PDK3: variants seen among roughly 807,000 people sequenced by gnomAD.
The protein encoded by PDK3 is pyruvate dehydrogenase kinase 3, also known as pyruvate dehydrogenase kinase, isozyme 3.
A neutral mutation model predicts 32.0 loss-of-function variants in PDK3; 12 were observed. The observed-to-expected ratio is 0.37, with a 90% CI of 0.24 to 0.61. The LOEUF is 0.61. Among genes scored for constraint, PDK3 ranks in the 20% least tolerant of loss-of-function variants. PDK3 has a pLI of 0.65. For synonymous variants in PDK3, 122 were observed against 116.3 expected (o/e 1.05, Z -0.31); for missense variants, 188 against 316.9 (o/e 0.59, Z 3.09).
chrX:24,499,930 C>T (rs1295710199), intron 3 of PDK3, among the ~76,000 whole-genome samples: 1 of 111,949 alleles, frequency 8.9e-6, no homozygotes, highest in African/African-American at 3.2e-5. Flanking sequence ...TGGGTTAGAG[C>T]CCCAGATGTA....
At chrX:24,473,142 G>T (rs1486338237) in intron 1 of PDK3, among the ~76,000 whole-genome samples, 1 of 108,109 alleles carries the variant, frequency 9.2e-6, no homozygotes, top group Non-Finnish European at 1.9e-5. Context: ...TTGGGAGGCC[G>T]AGGTGGGTGG....
At chrX:24,518,059 T>C (rs1000626876) in intron 5 of PDK3, among the ~76,000 whole-genome samples, 1 of 112,561 alleles carries the variant, frequency 8.9e-6, no homozygotes, top group African/African-American at 3.2e-5. Flanking sequence ...ACGTATAGTC[T>C]TGAGTTCCTA....
intron 1 of PDK3, among the ~76,000 whole-genome samples, chrX:24,485,874 G>A (rs1021455999): frequency 1.8e-5 from 2 of 111,500 alleles, no homozygotes; most frequent in South Asian, 3.8e-4. Context: ...ATCACCACAC[G>A]TCTGAGGGAA....
chrX:24,474,754 A>G lies in PDK3; in HGVS notation c.106+9193A>G, dbSNP rs762743876. On this transcript the variant is annotated intron_variant, in intron 1 of 10. Transcript: ENST00000379162. Reference sequence around the variant, plus strand: ...TAGTGTCCCCATGTGTAAATATAGCATCTCTCAAAACCACCAGAAAGCAGA... The same window carrying G: ...TAGTGTCCCCATGTGTAAATATAGCGTCTCTCAAAACCACCAGAAAGCAGA... 1.7e-4 allele frequency among the ~76,000 whole-genome samples: 19 copies of G among 111,368 alleles called. 1 individual carries two copies. The East Asian group carries it at 3.9e-3, about 23-fold the overall frequency.
At chrX:24,537,785 C>T (rs1265501755), downstream of PDK3, among the ~76,000 whole-genome samples, 1 of 111,656 alleles carries the variant, frequency 9.0e-6, no homozygotes, top group Non-Finnish European at 1.9e-5. Flanking sequence ...AAATGATATC[C>T]ATATGGATGT....
chrX:24,485,766 G>T (rs1358915068), intron 1 of PDK3, among the ~76,000 whole-genome samples: 1 of 111,662 alleles, frequency 9.0e-6, no homozygotes, highest in African/African-American at 3.3e-5. Flanking sequence ...AAAAGCCCCA[G>T]TGTAATCAGG....
At chrX:24,469,885 CTA>C (rs888918933) in intron 1 of PDK3, among the ~76,000 whole-genome samples, 2 of 112,235 alleles carry the variant, frequency 1.8e-5, no homozygotes, top group Non-Finnish European at 3.8e-5. Flanking sequence ...ATTAACATAT[CTA>C]TCATCTCACA....
At chrX:24,529,335 C>T (rs1410569413) in intron 9 of PDK3, among the ~76,000 whole-genome samples, 2 of 111,591 alleles carry the variant, frequency 1.8e-5, no homozygotes, top group Middle Eastern at 4.6e-3. Context: ...TTAACGCATG[C>T]GCACTCCCAT....
intron 2 of PDK3, among the ~76,000 whole-genome samples, chrX:24,496,521 A>G (rs964185420): frequency 6.0e-5 from 6 of 99,726 alleles, no homozygotes; most frequent in Non-Finnish European, 1.2e-4. Flanking sequence ...TCTAATATGT[A>G]GAACTTGTTC....
intron 1 of PDK3, among the ~76,000 whole-genome samples, chrX:24,470,254 G>A (rs1427159178): frequency 8.9e-6 from 1 of 111,971 alleles, no homozygotes; most frequent in Non-Finnish European, 1.9e-5. Context: ...TAAAGATTTG[G>A]TAGAACTTCA....
chrX:24,475,319 A>C (rs902251183), intron 1 of PDK3, among the ~76,000 whole-genome samples: 1 of 110,659 alleles, frequency 9.0e-6, no homozygotes, highest in Admixed American at 9.7e-5. Flanking sequence ...GAGGGTAAAG[A>C]TATCTAACTT....
downstream of PDK3, among the ~76,000 whole-genome samples, chrX:24,535,917 GAAAGA>G (rs1922765910): frequency 2.9e-5 from 2 of 69,959 alleles, no homozygotes; most frequent in African/African-American, 5.2e-5. Flanking sequence ...AAAAAAAAAA[GAAAGA>G]AAAGAAGGAA....
intron 5 of PDK3, among the ~76,000 whole-genome samples, chrX:24,518,417 A>T (rs1263330728): frequency 8.9e-6 from 1 of 112,176 alleles, no homozygotes; most frequent in African/African-American, 3.2e-5. Flanking sequence ...TGGGAGGCGG[A>T]GGTTGCAGTG....
At chrX:24,533,787 A>G in intron 10 of PDK3, 142 bp from the exon 11 acceptor site, 1 of 608,300 alleles carries the variant, frequency 1.6e-6, no homozygotes, top group South Asian at 5.4e-5. Context: ...GTCTAAGTAA[A>G]CTACTAAGGT....
At chrX:24,539,407 C>T (rs753712461), downstream of PDK3, 3 of 369,074 alleles carry the variant, frequency 8.1e-6, no homozygotes, top group African/African-American at 2.6e-5. Flanking sequence ...TGCCTGTCAC[C>T]GAAGAGCACA....
At chrX:24,526,358 A>G (rs1207029113) in intron 7 of PDK3, 84 bp downstream of exon 7, 4 of 595,118 alleles carry the variant, frequency 6.7e-6, no homozygotes, top group Non-Finnish European at 1.1e-5. Flanking sequence ...TTAGATTAGC[A>G]TAAGAAAAAG....
intron 6 of PDK3, among the ~76,000 whole-genome samples, chrX:24,524,814 CTTT>C (rs1490030631): frequency 8.9e-6 from 1 of 111,808 alleles, no homozygotes; most frequent in Non-Finnish European, 1.9e-5. Context: ...TGTTTTTCTT[CTTT>C]TGTTAAATTT....
At chrX:24,503,766 A>G (rs749682097) in intron 4 of PDK3, among the ~76,000 whole-genome samples, 1 of 112,577 alleles carries the variant, frequency 8.9e-6, no homozygotes, top group Admixed American at 9.4e-5. Context: ...CTCTGCTGAT[A>G]CAGTCTTGAT....
At chrX:24,469,251 C>T (rs777968185) in intron 1 of PDK3, among the ~76,000 whole-genome samples, 2 of 111,554 alleles carry the variant, frequency 1.8e-5, no homozygotes, top group South Asian at 3.7e-4. Flanking sequence ...GATTCCTAAA[C>T]GTGAGATTGC....
Sources: allele counts gnomAD v4.1 joint callset (sites outside exome capture counted in the v4.1 genomes callset), GRCh38; gene constraint gnomAD v4.1.1; transcripts MANE v1.5; gene names NCBI Gene and HGNC (gene_info 2026-07-23, HGNC 2026-07-21).